The following AKAP6 variants were observed in gnomAD, a reference collection of about 807,000 sequenced individuals.
AKAP6 encodes the protein A-kinase anchoring protein 6.
AKAP6 carries 58 observed loss-of-function variants against 188.5 expected under a neutral mutation model. That is an observed-to-expected ratio of 0.31 (90% CI 0.25 to 0.38). The LOEUF (loss-of-function observed/expected upper bound fraction) is 0.38, where lower values mean the gene tolerates loss of function less well. AKAP6 is among the 10% of genes least tolerant of loss of function. The pLI is 1.00. For synonymous variants in AKAP6, 989 were observed against 998.6 expected (o/e 0.99, Z 0.18); for missense variants, 2,710 against 2,740.0 (o/e 0.99, Z 0.24).
At position 32,707,871 on chromosome 14, in the gene AKAP6, G is replaced by C. The variant is rs538524655; in HGVS notation, c.3000+11761G>C. On this transcript the variant is annotated intron_variant, in intron 9 of 13. Transcript: ENST00000280979. ...CAGTAAAGACAGTTCCTAATACCAA[G>C]AGTACTCAGGCTTGGCCAGGTTGAT... is the stretch of plus-strand genomic sequence containing the variant. 2.0e-5 allele frequency among the ~76,000 whole-genome samples: 3 copies of C among 152,100 alleles called. 1 individual carries two copies. In the South Asian group the frequency reaches 6.2e-4, roughly 32 times the overall value.
At chr14:32,679,918 A>C (rs375809623) in intron 8 of AKAP6, among the ~76,000 whole-genome samples, 65 of 152,376 alleles carry the variant, frequency 4.3e-4, no homozygotes, top group African/African-American at 1.5e-3. Context: ...AACTGCTTTG[A>C]GGCCTTAATG....
intron 2 of AKAP6, among the ~76,000 whole-genome samples, chr14:32,533,213 C>T (rs924167187): frequency 6.6e-6 from 1 of 152,108 alleles, no homozygotes; most frequent in Admixed American, 6.5e-5. Flanking sequence ...GAACCACTTG[C>T]ATTCTTCAGT....
chr14:32,527,797 G>A (rs928806117), intron 2 of AKAP6, among the ~76,000 whole-genome samples: 1 of 151,972 alleles, frequency 6.6e-6, no homozygotes, highest in Non-Finnish European at 1.5e-5. Flanking sequence ...TTTTAATTGG[G>A]TTGTTTGTTT....
At chr14:32,394,745 CAT>C (rs1888822422) in intron 1 of AKAP6, among the ~76,000 whole-genome samples, 1 of 152,102 alleles carries the variant, frequency 6.6e-6, no homozygotes, top group African/African-American at 2.4e-5. Context: ...TCAGCAAAAA[CAT>C]GTAGTTTTAC....
intron 12 of AKAP6, among the ~76,000 whole-genome samples, chr14:32,813,398 C>T (rs560362611): frequency 1.6e-5 from 2 of 124,978 alleles, no homozygotes; most frequent in Non-Finnish European, 3.4e-5. Flanking sequence ...TACCCCCCCC[C>T]CCAACCCCTT....
chr14:32,761,108 AAAAACAGAAATATGAAGTTTAT>A (rs1378536155), intron 11 of AKAP6, among the ~76,000 whole-genome samples: 9 of 151,774 alleles, frequency 5.9e-5, no homozygotes, highest in Admixed American at 5.2e-4. Context: ...CTATGAAAAT[AAAAACAGAAATATGAAGTTTAT>A]AAAGCCATCT....
At chr14:32,795,040 T>G (rs1014608562) in intron 12 of AKAP6, among the ~76,000 whole-genome samples, 3 of 151,990 alleles carry the variant, frequency 2.0e-5, no homozygotes, top group Non-Finnish European at 4.4e-5. Flanking sequence ...CTAGAAGAAA[T>G]GGATAAATTC....
chr14:32,540,168 C>CTCTCTCTCTATATATATA (rs1240063339), intron 3 of AKAP6, among the ~76,000 whole-genome samples: 15 of 60,908 alleles, frequency 2.5e-4, no homozygotes, highest in African/African-American at 1.5e-3. Context: ...CTCTCTCTCT[C>CTCTCTCTCTATATATATA]TATATATATA....
intron 4 of AKAP6, among the ~76,000 whole-genome samples, chr14:32,547,977 A>G (rs1435621492): frequency 6.6e-6 from 1 of 152,150 alleles, no homozygotes; most frequent in Non-Finnish European, 1.5e-5. Context: ...CATTGGAAGT[A>G]GATCCAGCTG....
rs568725357 is a variant in AKAP6 at position 32,830,961 on chromosome 14, G to C, written c.*1156G>C. ...CTAGAGACTAGACGTAAAGCCTTCA[G>C]TTTTCAAAATCTTTCTGGTCACTAT... On this transcript the variant is annotated 3_prime_UTR_variant, in exon 14 of 14. Coordinates refer to ENST00000280979, the MANE Select transcript of AKAP6 (RefSeq NM_004274.5). The C allele has an allele frequency of 1.3e-5, 2 of 152,216 alleles. No homozygotes were observed. The highest frequency in any genetic ancestry group is 3.9e-4 in the East Asian group (2 of 5,180). 9.4% of individuals were successfully genotyped at this position (152,216 alleles called of 1,614,324 possible).
chr14:32,402,679 G>A (rs2138619772), intron 1 of AKAP6, among the ~76,000 whole-genome samples: 1 of 151,828 alleles, frequency 6.6e-6, no homozygotes, highest in East Asian at 1.9e-4. Context: ...AAGATCCACT[G>A]CAGTGTTTTG....
chr14:32,663,062 G>T (rs73264836), intron 7 of AKAP6, among the ~76,000 whole-genome samples: 117 of 151,908 alleles, frequency 7.7e-4, no homozygotes, highest in Middle Eastern at 3.4e-3. Flanking sequence ...ATAATTATAG[G>T]CTAATTGATT....
intron 1 of AKAP6, among the ~76,000 whole-genome samples, chr14:32,390,696 G>A (rs765277366): frequency 8.5e-5 from 13 of 152,124 alleles, no homozygotes; most frequent in Non-Finnish European, 1.6e-4. Flanking sequence ...GTCCTGTGAT[G>A]TGAACCATCT....
chr14:32,805,949 A>C (rs2034078246), intron 12 of AKAP6, among the ~76,000 whole-genome samples: 1 of 152,234 alleles, frequency 6.6e-6, no homozygotes, highest in Non-Finnish European at 1.5e-5. Context: ...CCATGGTATG[A>C]AGGCTATTTT....
At chr14:32,370,929 T>A (rs1323882642) in intron 1 of AKAP6, among the ~76,000 whole-genome samples, 1 of 152,160 alleles carries the variant, frequency 6.6e-6, no homozygotes, top group African/African-American at 2.4e-5. Context: ...TGGTTTTAAT[T>A]TCAGTAGATT....
chr14:32,438,855 AG>A (rs1890474391), intron 2 of AKAP6: 1 of 152,218 alleles, frequency 6.6e-6, no homozygotes, highest in Admixed American at 6.5e-5. Context: ...AAAAAGGCAA[AG>A]TAGGTATCTC....
At chr14:32,498,777 G>GA (rs1880456098) in intron 2 of AKAP6, among the ~76,000 whole-genome samples, 1 of 152,088 alleles carries the variant, frequency 6.6e-6, no homozygotes, top group Non-Finnish European at 1.5e-5. Flanking sequence ...GAGGGTGTAA[G>GA]AGGACATCCC....
rs137858541 is a variant in AKAP6 at position 32,720,965 on chromosome 14, T to C, written c.3001-11489T>C. Among the ~76,000 whole-genome samples the C allele has an allele frequency of 3.3e-5, 5 of 152,332 alleles. No individual in the cohort carries two copies. In the South Asian group the frequency reaches 6.2e-4, roughly 19 times the overall value. The stretch of plus-strand genomic sequence containing the variant: ...TGGAAAACAAAATAAATGAAACTTT[T>C]ACATTGGAAACCTTTTTTAAAGGAG... On this transcript the variant is annotated intron_variant, in intron 9 of 13. Coordinates refer to ENST00000280979, the MANE Select transcript of AKAP6 (RefSeq NM_004274.5).
chr14:32,671,430 G>A (rs1020050328), intron 7 of AKAP6, among the ~76,000 whole-genome samples: 1 of 151,688 alleles, frequency 6.6e-6, no homozygotes, highest in African/African-American at 2.4e-5. Flanking sequence ...ATGGAGAACA[G>A]AGAAATGGAA....
Sources: allele counts gnomAD v4.1 joint callset (sites outside exome capture counted in the v4.1 genomes callset), GRCh38; gene constraint gnomAD v4.1.1; transcripts MANE v1.5; gene names NCBI Gene and HGNC (gene_info 2026-07-23, HGNC 2026-07-21).